ARHGEF28: variants seen among roughly 807,000 people sequenced by gnomAD.
ARHGEF28 encodes 190 kDa guanine nucleotide exchange factor.
In ARHGEF28, 152 loss-of-function variants were observed where a neutral mutation model predicts 206.6. The ratio of observed to expected loss-of-function variants is 0.74; its 90% CI spans 0.64 to 0.84. The LOEUF (loss-of-function observed/expected upper bound fraction) is 0.84. Ranked by LOEUF, ARHGEF28 falls within the 40% of genes least tolerant of loss-of-function variation. The probability of loss-of-function intolerance (pLI) is 0.00; values close to 1 mark genes in which losing one functional copy is unlikely to be tolerated. For missense variants in ARHGEF28, 2,028 were observed against 2,073.2 expected (o/e 0.98, Z 0.42); for synonymous variants, 763 against 776.4 (o/e 0.98, Z 0.29).
chr5:73,756,265 C>T (rs925585391), intron 4 of ARHGEF28, among the ~76,000 whole-genome samples: 1 of 152,160 alleles, frequency 6.6e-6, no homozygotes, highest in African/African-American at 2.4e-5. Flanking sequence ...AATAAATTTT[C>T]ATATATAGAG....
chr5:73,894,543 C>T lies in ARHGEF28; in HGVS notation c.3809C>T (p.Ala1270Val). The T allele has an allele frequency of 1.2e-6, 2 of 1,613,888 alleles. No homozygotes were observed. Among genetic ancestry groups the T allele is most frequent in the African/African-American group, 1.3e-5 (1 of 75,028 alleles). The change falls in exon 29 of 36, where the codon GCA becomes GTA. Residue 1270 changes from alanine to valine, a missense_variant. Physicochemically the swap from Ala to Val is moderately conservative, Grantham distance 64. Transcript: ENST00000513042. ...IKPDPGEPPQAASLLAAALKE... is the reference protein window; with the variant it reads ...IKPDPGEPPQVASLLAAALKE... ...CCTGACCCAGGCGAGCCTCCCCAGG[C>T]AGCCTCATTACTGGCAGCAGCACTG...
In ARHGEF28 at chr5:73,699,332, C is replaced by T. The variant is rs149808207; in HGVS notation, c.33+14448C>T. Reference sequence around the variant, plus strand: ...TTTCCCCAGGGACTTGTCTTCAGCCCTTCCTTCTTTTGTGCAGATCAATAA... The same window carrying T: ...TTTCCCCAGGGACTTGTCTTCAGCCTTTCCTTCTTTTGTGCAGATCAATAA... On this transcript the variant is annotated intron_variant, in intron 2 of 35. Coordinates refer to ENST00000513042, the MANE Select transcript of ARHGEF28 (RefSeq NM_001177693.2). Among the ~76,000 whole-genome samples the T allele has an allele frequency of 1.3e-3, 195 of 151,794 alleles. 3 individuals are homozygous for T. In the East Asian group the frequency reaches 0.028, roughly 22 times the overall value.
At chr5:73,688,419 G>A (rs1275739154) in intron 2 of ARHGEF28, among the ~76,000 whole-genome samples, 1 of 151,770 alleles carries the variant, frequency 6.6e-6, no homozygotes, top group Admixed American at 6.6e-5. Context: ...TCTATTTGTC[G>A]GGTCACTTTA....
At chr5:73,791,240 C>A (rs541808698) in intron 7 of ARHGEF28, among the ~76,000 whole-genome samples, 1 of 152,210 alleles carries the variant, frequency 6.6e-6, no homozygotes, top group Non-Finnish European at 1.5e-5. Flanking sequence ...CTGGTCCCAG[C>A]TCTCCCAGAA....
intron 1 of ARHGEF28, among the ~76,000 whole-genome samples, chr5:73,642,481 C>T (rs1235184447): frequency 6.6e-6 from 1 of 152,172 alleles, no homozygotes; most frequent in Admixed American, 6.5e-5. Context: ...CCTCTCGATA[C>T]CTGTGCTCTG....
rs1461279387 is a variant in ARHGEF28 at position 73,713,436 on chromosome 5, C to A, written c.33+28552C>A. ...TGATGTCATTTTCTTGCAGTCACAA[C>A]TTACCTTTACCTGTTGGAACGGGTG... is the stretch of plus-strand genomic sequence containing the variant. On this transcript the variant is annotated intron_variant, in intron 2 of 35. Coordinates refer to ENST00000513042, the MANE Select transcript of ARHGEF28 (RefSeq NM_001177693.2). 2.0e-5 allele frequency among the ~76,000 whole-genome samples: 3 copies of A among 152,180 alleles called. No individual in the cohort carries two copies. In the East Asian group the frequency reaches 5.8e-4, roughly 29 times the overall value.
At chr5:73,919,739 T>G (rs1048362258) in intron 35 of ARHGEF28, among the ~76,000 whole-genome samples, 26 of 152,246 alleles carry the variant, frequency 1.7e-4, no homozygotes, top group Non-Finnish European at 3.2e-4. Flanking sequence ...CTGTTCTAGT[T>G]TATCACCTTA....
At chr5:73,927,541 A>G (rs971286432) in intron 35 of ARHGEF28, among the ~76,000 whole-genome samples, 4 of 152,070 alleles carry the variant, frequency 2.6e-5, no homozygotes, top group African/African-American at 9.7e-5. Flanking sequence ...GCAATTTATC[A>G]TGAGACTGGG....
intron 3 of ARHGEF28, among the ~76,000 whole-genome samples, chr5:73,750,691 A>G (rs1751975950): frequency 6.6e-6 from 1 of 152,188 alleles, no homozygotes; most frequent in African/African-American, 2.4e-5. Context: ...TTTAAGAGTC[A>G]TCAGGCTTTA....
chr5:73,828,210 T>C (rs1757030510), intron 9 of ARHGEF28: 6 of 152,246 alleles, frequency 3.9e-5, no homozygotes, highest in Admixed American at 3.9e-4. Flanking sequence ...ATCAGTCTTC[T>C]GCTGGTTTTA....
chr5:73,854,946 A>G (rs1758924122), intron 14 of ARHGEF28, among the ~76,000 whole-genome samples: 1 of 152,196 alleles, frequency 6.6e-6, no homozygotes, highest in Non-Finnish European at 1.5e-5. Flanking sequence ...AATATGTTTT[A>G]AATGTCTATT....
chr5:73,664,564 C>G (rs1745826583), intron 1 of ARHGEF28, among the ~76,000 whole-genome samples: 1 of 152,292 alleles, frequency 6.6e-6, no homozygotes, highest in Middle Eastern at 3.4e-3. Flanking sequence ...AAGAAGCACT[C>G]AGAACATTGC....
At chr5:73,733,023 C>G (rs1206271220) in intron 2 of ARHGEF28, among the ~76,000 whole-genome samples, 1 of 152,030 alleles carries the variant, frequency 6.6e-6, no homozygotes, top group Non-Finnish European at 1.5e-5. Flanking sequence ...TTTTGGGGAA[C>G]AGGTGGTGTT....
chr5:73,826,310 GGTTA>G (rs965583635), intron 9 of ARHGEF28, among the ~76,000 whole-genome samples: 15 of 152,158 alleles, frequency 9.9e-5, no homozygotes, highest in African/African-American at 3.1e-4. Context: ...TTTTTATGGT[GGTTA>G]GTTATTCTCA....
chr5:73,652,528 G>A (rs1256192806), intron 1 of ARHGEF28, among the ~76,000 whole-genome samples: 2 of 152,176 alleles, frequency 1.3e-5, no homozygotes, highest in Non-Finnish European at 2.9e-5. Context: ...GCAGGGTGGG[G>A]CCACATTCAG....
intron 4 of ARHGEF28, among the ~76,000 whole-genome samples, chr5:73,764,881 C>G (rs1389017876): frequency 6.6e-6 from 1 of 152,166 alleles, no homozygotes; most frequent in African/African-American, 2.4e-5. Flanking sequence ...GGAAGATGCT[C>G]TAAGGCACAA....
At chr5:73,777,678 G>A (rs1753615789) in intron 6 of ARHGEF28, among the ~76,000 whole-genome samples, 1 of 152,108 alleles carries the variant, frequency 6.6e-6, no homozygotes, top group African/African-American at 2.4e-5. Flanking sequence ...TTCTCTCTTT[G>A]CTGGGTTTTA....
chr5:73,695,271 T>G (rs1580492767), intron 2 of ARHGEF28, among the ~76,000 whole-genome samples: 1 of 152,222 alleles, frequency 6.6e-6, no homozygotes, highest in Non-Finnish European at 1.5e-5. Context: ...TCGTGAACTC[T>G]GCTGGTTCTT....
chr5:73,822,957 T>G (rs1282675445), intron 9 of ARHGEF28, among the ~76,000 whole-genome samples: 2 of 152,166 alleles, frequency 1.3e-5, no homozygotes, highest in South Asian at 4.1e-4. Context: ...CTGAGGGTAG[T>G]TTTTCTTTCT....
Sources: gnomAD v4.1 joint callset for allele counts (sites outside exome capture counted in the v4.1 genomes callset) on GRCh38, gnomAD v4.1.1 for gene constraint, MANE v1.5 for transcripts, NCBI Gene and HGNC (gene_info 2026-07-23, HGNC 2026-07-21) for gene names.